Variants in PHEX observed in about 807,000 individuals in gnomAD.
The protein encoded by PHEX is phosphate regulating endopeptidase X-linked.
In PHEX, 16 loss-of-function variants were observed where a neutral mutation model predicts 68.0. The ratio of observed to expected loss-of-function variants is 0.24; its 90% CI spans 0.16 to 0.36. PHEX has a LOEUF of 0.36. PHEX is among the 10% of genes least tolerant of loss of function. The pLI, the probability that PHEX is intolerant of heterozygous loss-of-function variation, is 1.00. For synonymous variants in PHEX, 208 were observed against 205.1 expected, an observed-to-expected ratio of 1.01 and a Z score of -0.12; for missense variants, 480 against 575.5, an observed-to-expected ratio of 0.83 and a Z score of 1.70.
At chrX:22,114,934 G>A (rs1201102720) in intron 11 of PHEX, among the ~76,000 whole-genome samples, 2 of 111,769 alleles carry the variant, frequency 1.8e-5, no homozygotes, top group African/African-American at 3.3e-5. Flanking sequence ...CTGTGGCAAC[G>A]TGTTCTTCTC....
intron 13 of PHEX, among the ~76,000 whole-genome samples, chrX:22,170,714 T>G (rs1031788168): frequency 3.8e-4 from 43 of 112,322 alleles, no homozygotes; most frequent in Admixed American, 6.6e-4. Flanking sequence ...TCTCAAGCTT[T>G]AATCGAATAA....
intron 2 of PHEX, among the ~76,000 whole-genome samples, chrX:22,046,723 T>A (rs1020930648): frequency 9.1e-6 from 1 of 110,070 alleles, no homozygotes; most frequent in Non-Finnish European, 1.9e-5. Flanking sequence ...TGCATCACCA[T>A]ATCTGGCTAA....
At chrX:22,075,544 A>C (rs1255182593) in intron 3 of PHEX, among the ~76,000 whole-genome samples, 1 of 110,552 alleles carries the variant, frequency 9.0e-6, no homozygotes, top group African/African-American at 3.3e-5. Context: ...GGGATTTTTC[A>C]TCTTGGCTTC....
chrX:22,050,041 A>G (rs1207440606), intron 3 of PHEX, among the ~76,000 whole-genome samples: 1 of 112,559 alleles, frequency 8.9e-6, no homozygotes, highest in Admixed American at 9.4e-5. Flanking sequence ...CCATTCGCTT[A>G]TGCATTATTA....
intron 11 of PHEX, among the ~76,000 whole-genome samples, chrX:22,126,596 A>G (rs931839466): frequency 9.0e-6 from 1 of 111,453 alleles, no homozygotes; most frequent in African/African-American, 3.3e-5. Context: ...GAGGAGCAGG[A>G]GAGATAATTT....
rs181538243 is a variant in PHEX at position 22,140,192 on chromosome X, A to G, written c.1404+6568A>G. ...GTGTTAATAGAAGGGTATAATGTTC[A>G]TTAAGTGATTGTCTTACCTCTTACT... On this transcript the variant is annotated intron_variant, in intron 12 of 21. Transcript: ENST00000379374. Among the ~76,000 whole-genome samples the G allele has an allele frequency of 1.3e-4, 14 of 111,441 alleles. No individual in the cohort carries two copies. The East Asian group carries it at 4.0e-3, about 32-fold the overall frequency.
chrX:22,224,077 G>C (rs1445067118), intron 18 of PHEX, among the ~76,000 whole-genome samples: 2 of 111,597 alleles, frequency 1.8e-5, no homozygotes, highest in Non-Finnish European at 3.8e-5. Context: ...CTGCCTCCCT[G>C]GTTCAAGTGA....
chrX:22,221,516 T>TG, intron 17 of PHEX, 97 bp from the exon 18 acceptor site: 1 of 737,834 alleles, frequency 1.4e-6, no homozygotes. Flanking sequence ...CCTGCTGTTA[T>TG]GACTGCTTTT....
intron 14 of PHEX, among the ~76,000 whole-genome samples, chrX:22,180,826 T>C (rs1164784615): frequency 8.9e-6 from 1 of 112,087 alleles, no homozygotes; most frequent in African/African-American, 3.2e-5. Flanking sequence ...TGTTTTCATT[T>C]TTAGCTCCCA....
At position 22,099,058 on chromosome X, in the gene PHEX, A is replaced by G; in HGVS notation, c.986A>G (p.His329Arg). Residue 329 changes from histidine to arginine, a missense_variant, in exon 9 of 22, where the codon CAT (histidine) becomes CGT (arginine). Transcript: ENST00000379374. Reference sequence around the variant, plus strand: ...GTCATTGACACCAGACTCTACCCCCATCTGAAAGACATCAGCCCCTCCGAG... The same window carrying G: ...GTCATTGACACCAGACTCTACCCCCGTCTGAAAGACATCAGCCCCTCCGAG... ...KKVIDTRLYPHLKDISPSENV... is the reference protein window; with the variant it reads ...KKVIDTRLYPRLKDISPSENV... The G allele has an allele frequency of 8.3e-7, 1 of 1,207,845 alleles. No individual in the cohort carries two copies. Among genetic ancestry groups the G allele is most frequent in the Non-Finnish European group, 1.1e-6 (1 of 892,224 alleles).
In PHEX at chrX:22,193,123, T is replaced by A. The variant is rs181375688; in HGVS notation, c.1645+2621T>A. Reference sequence around the variant, plus strand: ...GCCAACTTGAGAACTAAGTTGCATATGTTATATGGGAACTTATGATATTTG... The same window carrying A: ...GCCAACTTGAGAACTAAGTTGCATAAGTTATATGGGAACTTATGATATTTG... On this transcript the variant is annotated intron_variant, in intron 15 of 21. Coordinates refer to ENST00000379374, the MANE Select transcript of PHEX (RefSeq NM_000444.6). Among the ~76,000 whole-genome samples, 311 of 111,424 alleles carry A rather than the reference T, an allele frequency of 2.8e-3. 2 individuals are homozygous for A. Among genetic ancestry groups the A allele is most frequent in the African/African-American group, 9.4e-3 (290 of 30,733 alleles).
At chrX:22,097,728 A>G (rs1316332193) in intron 8 of PHEX, 13 of 725,411 alleles carry the variant, frequency 1.8e-5, no homozygotes, top group Non-Finnish European at 2.1e-5. Context: ...TAGGTAGGAT[A>G]GGGATGCTCT....
intron 15 of PHEX, among the ~76,000 whole-genome samples, chrX:22,208,692 T>G (rs1934791763): frequency 8.9e-6 from 1 of 112,129 alleles, no homozygotes; most frequent in South Asian, 3.7e-4. Context: ...CCCAGCAATC[T>G]GTAGTTTAAC....
intron 12 of PHEX, among the ~76,000 whole-genome samples, chrX:22,139,030 G>C (rs185306630): frequency 1.5e-3 from 173 of 112,014 alleles, no homozygotes; most frequent in African/African-American, 5.2e-3. Context: ...AGTATAGACA[G>C]GTGAGAGACT....
At chrX:22,089,381 C>G (rs747757896) in intron 5 of PHEX, among the ~76,000 whole-genome samples, 83 of 107,477 alleles carry the variant, frequency 7.7e-4, no homozygotes, top group Middle Eastern at 5.0e-3. Flanking sequence ...TTTTGTTTAC[C>G]TTTAAGGTGC....
intron 5 of PHEX, among the ~76,000 whole-genome samples, chrX:22,089,583 G>C (rs1356005856): frequency 9.2e-6 from 1 of 109,020 alleles, no homozygotes; most frequent in African/African-American, 3.3e-5. Context: ...ACCATACCTG[G>C]CTAATTTTTA....
chrX:22,105,327 C>G (rs1320632235), intron 9 of PHEX, among the ~76,000 whole-genome samples: 1 of 112,452 alleles, frequency 8.9e-6, no homozygotes, highest in Non-Finnish European at 1.9e-5. Context: ...ATGGAGTTTT[C>G]CTAGACCAGC....
At chrX:22,213,349 G>C (rs1934991834) in intron 16 of PHEX, among the ~76,000 whole-genome samples, 2 of 111,787 alleles carry the variant, frequency 1.8e-5, no homozygotes, top group African/African-American at 6.5e-5. Context: ...GTGTAGTTTG[G>C]CTAGCCCAAA....
intron 19 of PHEX, among the ~76,000 whole-genome samples, chrX:22,226,770 A>G (rs1184084202): frequency 3.6e-5 from 4 of 111,931 alleles, no homozygotes; most frequent in African/African-American, 1.3e-4. Flanking sequence ...AGCTTTTAGA[A>G]AATACATTCA....
Sources: gnomAD v4.1 joint callset for allele counts (sites outside exome capture counted in the v4.1 genomes callset) on GRCh38, gnomAD v4.1.1 for gene constraint, MANE v1.5 for transcripts, NCBI Gene and HGNC (gene_info 2026-07-23, HGNC 2026-07-21) for gene names.